The following CHL1 variants were observed in gnomAD, a reference collection of about 807,000 sequenced individuals.
CHL1 encodes cell adhesion molecule L1 like, also known as neural cell adhesion molecule L1-like protein.
CHL1 carries 96 observed loss-of-function variants against 141.9 expected under a neutral mutation model. That is an observed-to-expected ratio of 0.68 (90% CI 0.57 to 0.80). The LOEUF (loss-of-function observed/expected upper bound fraction) is 0.80, where lower values mean the gene tolerates loss of function less well. Among genes scored for constraint, CHL1 ranks in the 30% least tolerant of loss-of-function variants. CHL1 has a pLI of 0.00. For missense variants in CHL1, 1,820 were observed against 1,457.2 expected (o/e 1.25, Z -4.05); for synonymous variants, 613 against 502.2 (o/e 1.22, Z -2.95).
intron 2 of CHL1, among the ~76,000 whole-genome samples, chr3:284,416 A>G (rs17019509): frequency 0.015 from 2,234 of 152,316 alleles, 60 homozygotes; most frequent in African/African-American, 0.051. Context: ...TTCTCTACCC[A>G]TATTTGTGAA....
chr3:219,078 G>A (rs905556022), intron 1 of CHL1, among the ~76,000 whole-genome samples: 1 of 151,666 alleles, frequency 6.6e-6, no homozygotes, highest in Non-Finnish European at 1.5e-5. Flanking sequence ...GAACCCGGGA[G>A]GTGGAGCTTG....
intron 16 of CHL1, among the ~76,000 whole-genome samples, chr3:380,299 T>G (rs1223551440): frequency 6.6e-6 from 1 of 152,240 alleles, no homozygotes; most frequent in African/African-American, 2.4e-5. Flanking sequence ...CGATGCTTTT[T>G]GTCAATGTAA....
At chr3:346,193 T>G (rs1702756428) in intron 9 of CHL1, among the ~76,000 whole-genome samples, 1 of 152,228 alleles carries the variant, frequency 6.6e-6, no homozygotes, top group South Asian at 2.1e-4. Flanking sequence ...CTTTGTAAGT[T>G]TCTCTTTCCA....
At chr3:324,105 G>A (rs973169690) in intron 3 of CHL1, among the ~76,000 whole-genome samples, 5 of 151,962 alleles carry the variant, frequency 3.3e-5, no homozygotes, top group Non-Finnish European at 7.4e-5. Flanking sequence ...GAGATGTCTT[G>A]TAATTTGTAA....
At position 390,744 on chromosome 3, in the gene CHL1, C is replaced by T. The variant is rs536905194; in HGVS notation, c.2514C>T (p.Asn838=). The change falls in exon 21 of 28, where the codon AAC becomes AAT. Residue 838 remains asparagine (N), a synonymous_variant. Transcript: ENST00000256509. ...TGATCCATGGGGTGGACGTTATAAA[C>T]AGTACATTAGTTAAAGTTACCTGGT... ...APVIHGVDVI[N]STLVKVTWST... 1.2e-6 allele frequency: 2 copies of T among 1,610,926 alleles called. No homozygotes were observed. The highest frequency in any genetic ancestry group is 1.7e-6 in the Non-Finnish European group (2 of 1,177,126).
intron 23 of CHL1, among the ~76,000 whole-genome samples, chr3:392,912 T>A (rs1708354462): frequency 6.6e-6 from 1 of 152,090 alleles, no homozygotes; most frequent in Non-Finnish European, 1.5e-5. Context: ...ATAAGAAATC[T>A]ATTAGAAATG....
At chr3:249,716 T>C (rs1693507008) in intron 2 of CHL1, among the ~76,000 whole-genome samples, 1 of 152,148 alleles carries the variant, frequency 6.6e-6, no homozygotes, top group Non-Finnish European at 1.5e-5. Context: ...TGAGAGACTA[T>C]TGCCTATTGA....
chr3:315,792 T>C (rs1227596747), intron 2 of CHL1, among the ~76,000 whole-genome samples: 1 of 152,086 alleles, frequency 6.6e-6, no homozygotes, highest in Non-Finnish European at 1.5e-5. Flanking sequence ...ATACCTGGGG[T>C]TCATTGTCTC....
At chr3:321,945 C>G (rs1298190560) in intron 3 of CHL1, among the ~76,000 whole-genome samples, 14 of 151,972 alleles carry the variant, frequency 9.2e-5, no homozygotes, top group Non-Finnish European at 5.9e-5. Flanking sequence ...TAGCTCCGTT[C>G]CCCAAATAAT....
intron 14 of CHL1, among the ~76,000 whole-genome samples, chr3:365,347 C>T (rs1015393912): frequency 6.6e-6 from 1 of 152,190 alleles, no homozygotes; most frequent in Non-Finnish European, 1.5e-5. Flanking sequence ...TTCAAACTAT[C>T]ACTCCCTGTA....
intron 2 of CHL1, among the ~76,000 whole-genome samples, chr3:265,116 T>C (rs1695043467): frequency 6.6e-6 from 1 of 152,226 alleles, no homozygotes; most frequent in Non-Finnish European, 1.5e-5. Flanking sequence ...GTTTATTTCT[T>C]ATTTTCATAG....
chr3:355,927 T>G (rs562320429), intron 11 of CHL1, among the ~76,000 whole-genome samples: 4 of 152,232 alleles, frequency 2.6e-5, no homozygotes, highest in African/African-American at 7.2e-5. Context: ...TCAAACCCAT[T>G]TCTTCATCAG....
intron 24 of CHL1, among the ~76,000 whole-genome samples, chr3:395,556 T>C (rs1708603583): frequency 6.6e-6 from 1 of 152,232 alleles, no homozygotes; most frequent in Admixed American, 6.5e-5. Flanking sequence ...TCAGAGGAAC[T>C]GATGTACACA....
chr3:354,307 A>C (rs897194369), intron 10 of CHL1, among the ~76,000 whole-genome samples: 1 of 152,140 alleles, frequency 6.6e-6, no homozygotes, highest in Non-Finnish European at 1.5e-5. Flanking sequence ...TAAACTCACC[A>C]TCTGCTTATT....
intron 2 of CHL1, among the ~76,000 whole-genome samples, chr3:277,296 T>A (rs1284269236): frequency 2.0e-5 from 3 of 152,082 alleles, no homozygotes; most frequent in Non-Finnish European, 4.4e-5. Context: ...AGTAGCCACA[T>A]CCTGGAACCA....
chr3:225,812 A>T (rs1701275564), intron 1 of CHL1, among the ~76,000 whole-genome samples: 1 of 152,052 alleles, frequency 6.6e-6, no homozygotes, highest in Non-Finnish European at 1.5e-5. Context: ...GATTGAGGCC[A>T]TCCTGGCTAA....
chr3:397,318 C>G (rs575648489), intron 24 of CHL1, among the ~76,000 whole-genome samples: 3 of 151,964 alleles, frequency 2.0e-5, no homozygotes, highest in African/African-American at 7.2e-5. Context: ...TTAATAAAAC[C>G]TTTTTGTTAT....
In CHL1 at chr3:360,793, C is replaced by T. The variant is rs533894465; in HGVS notation, c.1306+369C>T. On this transcript the variant is annotated intron_variant, in intron 12 of 27. Transcript: ENST00000256509. ...AGTGTGATGTTCCCCTTCCTGTGTC[C>T]ATGTGATCTCATTGTTCAATTCCCA... is the stretch of plus-strand genomic sequence containing the variant. Among the ~76,000 whole-genome samples, 974 of 139,266 alleles carry T rather than the reference C, an allele frequency of 7.0e-3. 15 individuals are homozygous for T. The highest frequency in any genetic ancestry group is 0.026 in the African/African-American group (924 of 36,190). 91.4% of individuals were successfully genotyped at this position (139,266 alleles called of 152,430 possible). A position where few individuals can be genotyped will look rare whatever the true frequency, so the allele number is the denominator to read the frequency against.
chr3:287,647 A>G (rs1697282032), intron 2 of CHL1, among the ~76,000 whole-genome samples: 1 of 152,230 alleles, frequency 6.6e-6, no homozygotes, highest in Non-Finnish European at 1.5e-5. Flanking sequence ...ATTTAGTAAG[A>G]TGCTTTAATT....
Sources: gnomAD v4.1 joint callset for allele counts (sites outside exome capture counted in the v4.1 genomes callset) on GRCh38, gnomAD v4.1.1 for gene constraint, MANE v1.5 for transcripts, NCBI Gene and HGNC (gene_info 2026-07-23, HGNC 2026-07-21) for gene names.